Variants in ESRRG observed in about 807,000 individuals in gnomAD.
The protein encoded by ESRRG is estrogen-related receptor gamma.
Under a neutral mutation model 44.0 loss-of-function variants are expected in ESRRG, and 13 were observed. The observed-to-expected ratio is 0.30, with a 90% confidence interval of 0.19 to 0.47. The LOEUF is 0.47. ESRRG is among the 20% of genes least tolerant of loss of function. ESRRG has a pLI of 1.00. For missense variants in ESRRG, 395 were observed against 580.6 expected (o/e 0.68, Z 3.29); for synonymous variants, 215 against 214.6 (o/e 1.00, Z -0.02).
intron 2 of ESRRG, among the ~76,000 whole-genome samples, chr1:216,855,792 C>T (rs1423422146): frequency 2.6e-5 from 4 of 152,172 alleles, no homozygotes; most frequent in Non-Finnish European, 4.4e-5. Context: ...CTGCACGACA[C>T]GCCTTGTGAC....
intron 3 of ESRRG, among the ~76,000 whole-genome samples, chr1:216,570,460 C>T (rs2060578049): frequency 6.6e-6 from 1 of 152,146 alleles, no homozygotes; most frequent in African/African-American, 2.4e-5. Context: ...CTTCTCTCCA[C>T]TTTCATCATG....
intron 2 of ESRRG, among the ~76,000 whole-genome samples, chr1:216,890,609 A>G (rs2057647764): frequency 6.6e-6 from 1 of 152,180 alleles, no homozygotes; most frequent in South Asian, 2.1e-4. Flanking sequence ...GTGAACATTT[A>G]TTGAGCAATT....
chr1:216,849,828 T>G (rs1196985511), intron 2 of ESRRG, among the ~76,000 whole-genome samples: 2 of 152,138 alleles, frequency 1.3e-5, no homozygotes, highest in Admixed American at 6.6e-5. Context: ...TATTGAGCCA[T>G]CTATACTACA....
chr1:216,846,505 T>C (rs893339017), intron 2 of ESRRG, among the ~76,000 whole-genome samples: 8 of 152,116 alleles, frequency 5.3e-5, no homozygotes, highest in African/African-American at 1.9e-4. Flanking sequence ...GATAAATGGC[T>C]GTGACTACGT....
At chr1:216,954,262 T>TA (rs1249175430) in intron 1 of ESRRG, among the ~76,000 whole-genome samples, 1 of 151,794 alleles carries the variant, frequency 6.6e-6, no homozygotes, top group Non-Finnish European at 1.5e-5. Flanking sequence ...CTCAACATAT[T>TA]AAAAAAAATA....
chr1:216,741,758 T>C (rs114212369), intron 2 of ESRRG, among the ~76,000 whole-genome samples: 1 of 152,134 alleles, frequency 6.6e-6, no homozygotes. Flanking sequence ...TTCTTACTAT[T>C]ATGAAACAGA....
intron 1 of ESRRG, among the ~76,000 whole-genome samples, chr1:217,122,664 CT>C (rs10716545): frequency 0.19 from 16,357 of 87,378 alleles, 944 homozygotes; most frequent in Non-Finnish European, 0.21. Context: ...GACACACACA[CT>C]TTTTTTTTTT....
At chr1:216,565,446 A>T (rs7553212) in intron 4 of ESRRG, among the ~76,000 whole-genome samples, 232 of 152,176 alleles carry the variant, frequency 1.5e-3, no homozygotes, top group African/African-American at 5.3e-3. Context: ...GAACACAGCC[A>T]AAGTTCCCAA....
intron 2 of ESRRG, among the ~76,000 whole-genome samples, chr1:216,845,203 G>T (rs527479426): frequency 6.6e-6 from 1 of 152,194 alleles, no homozygotes; most frequent in East Asian, 1.9e-4. Flanking sequence ...GTTGGAAAAT[G>T]TTTTTCTGTC....
At chr1:217,081,058 A>G (rs983057258) in intron 1 of ESRRG, among the ~76,000 whole-genome samples, 3 of 151,890 alleles carry the variant, frequency 2.0e-5, no homozygotes, top group Admixed American at 1.3e-4. Context: ...GTATCCAGCA[A>G]TCTTGGGTAG....
At chr1:216,973,313 C>G (rs532435262) in intron 1 of ESRRG, among the ~76,000 whole-genome samples, 1 of 152,292 alleles carries the variant, frequency 6.6e-6, no homozygotes, top group Non-Finnish European at 1.5e-5. Context: ...CTCTCATTGT[C>G]CTCTCCATGA....
chr1:216,872,730 G>T (rs539279234), intron 2 of ESRRG, among the ~76,000 whole-genome samples: 16 of 152,148 alleles, frequency 1.1e-4, no homozygotes, highest in African/African-American at 2.9e-4. Context: ...GTGACTGCTT[G>T]TTGGAACAAT....
intron 1 of ESRRG, among the ~76,000 whole-genome samples, chr1:217,113,280 T>C (rs1396773170): frequency 6.6e-6 from 1 of 152,180 alleles, no homozygotes; most frequent in Non-Finnish European, 1.5e-5. Context: ...CAGTTAAGAC[T>C]GGACCCTAAT....
chr1:216,898,604 C>G (rs1056545230), intron 2 of ESRRG, among the ~76,000 whole-genome samples: 1 of 151,976 alleles, frequency 6.6e-6, no homozygotes, highest in African/African-American at 2.4e-5. Context: ...GGCGACAAAG[C>G]GAGACTCTGT....
chr1:216,903,630 G>A (rs2059350391), intron 2 of ESRRG, among the ~76,000 whole-genome samples: 1 of 151,886 alleles, frequency 6.6e-6, no homozygotes, highest in Admixed American at 6.6e-5. Flanking sequence ...TATACTCAGG[G>A]GATAGACTGA....
chr1:216,746,798 C>T (rs527889776), intron 2 of ESRRG, among the ~76,000 whole-genome samples: 9 of 152,108 alleles, frequency 5.9e-5, no homozygotes, highest in African/African-American at 2.2e-4. Context: ...TCCCTTTTTC[C>T]AAAAACTGTC....
intron 6 of ESRRG, among the ~76,000 whole-genome samples, chr1:216,509,133 T>C (rs1377428485): frequency 6.6e-6 from 1 of 152,224 alleles, no homozygotes; most frequent in Non-Finnish European, 1.5e-5. Context: ...GCACTGGTAA[T>C]ATGTGTCAGA....
intron 5 of ESRRG, among the ~76,000 whole-genome samples, chr1:216,536,683 G>A (rs1326569994): frequency 6.6e-6 from 1 of 152,042 alleles, no homozygotes; most frequent in African/African-American, 2.4e-5. Context: ...TGGTAAGAAT[G>A]ATGATGATGA....
chr1:217,007,206 C>T (rs1173242444), intron 1 of ESRRG, among the ~76,000 whole-genome samples: 1 of 152,128 alleles, frequency 6.6e-6, no homozygotes, highest in Non-Finnish European at 1.5e-5. Flanking sequence ...GATTGTTTTA[C>T]TATCCCAAAG....
Sources: allele counts gnomAD v4.1 joint callset (sites outside exome capture counted in the v4.1 genomes callset), GRCh38; gene constraint gnomAD v4.1.1; transcripts MANE v1.5; gene names NCBI Gene and HGNC (gene_info 2026-07-23, HGNC 2026-07-21).